GPR153: variants seen among roughly 807,000 people sequenced by gnomAD.
GPR153 encodes G protein-coupled receptor 153, also known as probable G protein-coupled receptor 153.
GPR153 carries 27 observed loss-of-function variants against 34.1 expected under a neutral mutation model. The observed-to-expected ratio is 0.79, with a 90% CI of 0.58 to 1.09. The LOEUF (loss-of-function observed/expected upper bound fraction) is 1.09. Ranked by LOEUF, GPR153 falls within the 50% of genes least tolerant of loss-of-function variation. The probability of loss-of-function intolerance (pLI) is 0.00; values close to 1 mark genes in which losing one functional copy is unlikely to be tolerated. For missense variants in GPR153, 848 were observed against 860.2 expected (o/e 0.99, Z 0.18); for synonymous variants, 408 against 405.4 (o/e 1.01, Z -0.08).
Position 6,249,249 on chromosome 1 carries a change from G to A in GPR153, c.*89C>T. On this transcript the variant is annotated 3_prime_UTR_variant, in exon 6 of 6. Coordinates refer to ENST00000377893, the MANE Select transcript of GPR153 (RefSeq NM_207370.4). This position sits in a 1 kb window ranked among gnomAD's most constrained non-coding sequence, Gnocchi z 4.3. Reference sequence around the variant, plus strand: ...CCCCTGGGAGGGGTGGCGCATGTCTGCGCGCGGGGCGGAGGCGGGCGTCTT... The same window carrying A: ...CCCCTGGGAGGGGTGGCGCATGTCTACGCGCGGGGCGGAGGCGGGCGTCTT... 4 of 1,005,888 alleles carry A rather than the reference G, an allele frequency of 4.0e-6. No individual in the cohort carries two copies. Among genetic ancestry groups the A allele is most frequent in the Non-Finnish European group, 5.1e-6 (4 of 781,322 alleles). The allele number at this position is 1,005,888 out of a possible 1,614,324, so 62.3% of individuals were successfully genotyped here. A position where few individuals can be genotyped will look rare whatever the true frequency, so the allele number is the denominator to read the frequency against.
chr1:6,249,333 C>T lies in GPR153; in HGVS notation c.*5G>A, dbSNP rs1439467770. 1 of 1,274,698 alleles carries T rather than the reference C, an allele frequency of 7.8e-7. No individual in the cohort carries two copies. The highest frequency in any genetic ancestry group is 9.9e-7 in the Non-Finnish European group (1 of 1,010,818). The allele number at this position is 1,274,698 out of a possible 1,614,324, so 79.0% of individuals were successfully genotyped here. On this transcript the variant is annotated 3_prime_UTR_variant, in exon 6 of 6. Transcript: ENST00000377893. This position sits in a 1 kb window ranked among gnomAD's most constrained non-coding sequence, Gnocchi z 4.3. Reference sequence around the variant, plus strand: ...CCTGGCGTCCGTGGGGAGGCGCCGGCGGTCCTAGGACGCGGAGCCCAGCGA... The same window carrying T: ...CCTGGCGTCCGTGGGGAGGCGCCGGTGGTCCTAGGACGCGGAGCCCAGCGA...
At chr1:6,259,283 C>T (rs1056364575) in intron 1 of GPR153, among the ~76,000 whole-genome samples, 1 of 152,142 alleles carries the variant, frequency 6.6e-6, no homozygotes, top group Non-Finnish European at 1.5e-5. Context: ...GGCTCTAGGT[C>T]TGTGGGCAGG....
chr1:6,258,284 C>T (rs555445348), intron 1 of GPR153, among the ~76,000 whole-genome samples: 14 of 152,294 alleles, frequency 9.2e-5, no homozygotes, highest in African/African-American at 3.1e-4. Flanking sequence ...CCCGCCACCA[C>T]GCCCAGCTAT....
intron 1 of GPR153, among the ~76,000 whole-genome samples, chr1:6,258,338 A>G (rs778736229): frequency 6.6e-6 from 1 of 152,196 alleles, no homozygotes; most frequent in Non-Finnish European, 1.5e-5. Context: ...CATGTTGGCC[A>G]GGCTGGTCTC....
chr1:6,250,342 G>T lies in GPR153; in HGVS notation c.1164+98C>A, dbSNP rs569357939. The T allele has an allele frequency of 6.8e-6, 10 of 1,461,070 alleles. No individual in the cohort carries two copies. In the East Asian group the frequency reaches 2.3e-4, roughly 33 times the overall value. 90.5% of individuals were successfully genotyped at this position (1,461,070 alleles called of 1,614,324 possible). On this transcript the variant is annotated intron_variant, in intron 5 of 5. Coordinates refer to ENST00000377893, the MANE Select transcript of GPR153 (RefSeq NM_207370.4). ...GATGGTGACAGCCACCCCTGCGACT[G>T]CAGAAGGCGTGAGATGGGCTCCGAG...
chr1:6,254,274 C>T (rs1433626991), intron 2 of GPR153, 127 bp from the exon 3 acceptor site: 1 of 892,798 alleles, frequency 1.1e-6, no homozygotes, highest in African/African-American at 1.7e-5. Context: ...ATAGTCATGG[C>T]ACAGCCAGTG....
Position 6,249,527 on chromosome 1 carries a change from G to A in GPR153, c.1641C>T (p.Ser547=), listed in dbSNP as rs1263350593. Residue 547 remains serine, a synonymous_variant, in exon 6 of 6, where the codon AGC becomes AGT. Transcript: ENST00000377893. This position sits in a 1 kb window ranked among gnomAD's most constrained non-coding sequence, Gnocchi z 4.3. ...AGTGCGCAGAGGGGCGTGGCCCTGG[G>A]CTCCGCTGGGCGCTGCTTGGGGGCG... ...APTPPSSAQR[S]PGPRPSAHSH... is the part of the protein sequence containing the mutation. 12 of 1,208,034 alleles carry A rather than the reference G, an allele frequency of 9.9e-6. No homozygotes were observed. The highest frequency in any genetic ancestry group is 4.1e-6 in the Non-Finnish European group (4 of 973,660). 74.8% of individuals were successfully genotyped at this position (1,208,034 alleles called of 1,614,324 possible).
intron 1 of GPR153, among the ~76,000 whole-genome samples, chr1:6,255,642 GTTTTTT>G (rs59403526): frequency 7.7e-5 from 3 of 38,846 alleles, no homozygotes; most frequent in Admixed American, 4.9e-4. Flanking sequence ...GCCTGGCTAC[GTTTTTT>G]TTTTTTTTTT....
chr1:6,254,555 G>A lies in GPR153; in HGVS notation c.351C>T (p.Asn117=). The change falls in exon 2 of 6, where the codon AAC becomes AAT. Residue 117 remains asparagine (N), a synonymous_variant. Coordinates refer to ENST00000377893, the MANE Select transcript of GPR153 (RefSeq NM_207370.4). ...HRMWMVCWPV[N]YRLSNAKKQA... is the part of the protein sequence containing the mutation. ...CCAGAACTTCACATGCTCACCGGTA[G>A]TTGACAGGCCAGCAGACCATCCACA... 1 of 1,564,694 alleles carries A rather than the reference G, an allele frequency of 6.4e-7. No homozygotes were observed. Among genetic ancestry groups the A allele is most frequent in the East Asian group, 2.2e-5 (1 of 44,522 alleles).
At position 6,253,749 on chromosome 1, in the gene GPR153, A is replaced by C; in HGVS notation, c.755T>G (p.Ile252Ser). The change falls in exon 3 of 6, where the codon ATC becomes AGC. Residue 252 changes from isoleucine to serine, a missense_variant. Ile to Ser is a moderately radical substitution (Grantham distance 142). Coordinates refer to ENST00000377893, the MANE Select transcript of GPR153 (RefSeq NM_207370.4). ...AGGGAAGCCCATGAGGCAGTCGTAG[A>C]TGAAGACTATGGTGGTCACGAGGCC... ...TTGLVTTIVF[I>S]YDCLMGFPVL... The C allele has an allele frequency of 6.5e-7, 1 of 1,529,086 alleles. No individual in the cohort carries two copies. The highest frequency in any genetic ancestry group is 8.8e-7 in the Non-Finnish European group (1 of 1,137,888). 94.7% of individuals were successfully genotyped at this position (1,529,086 alleles called of 1,614,324 possible). A position where few individuals can be genotyped will look rare whatever the true frequency, so the allele number is the denominator to read the frequency against.
At chr1:6,257,094 T>C (rs1253864449) in intron 1 of GPR153, among the ~76,000 whole-genome samples, 1 of 152,212 alleles carries the variant, frequency 6.6e-6, no homozygotes, top group East Asian at 1.9e-4. Context: ...CAGGGAACCA[T>C]CCAAGGTGGG....
chr1:6,258,741 G>A (rs1450377474), intron 1 of GPR153, among the ~76,000 whole-genome samples: 2 of 152,178 alleles, frequency 1.3e-5, no homozygotes, highest in Non-Finnish European at 2.9e-5. Flanking sequence ...AGGCAGCCTC[G>A]GCTGTGAGAC....
Position 6,248,956 on chromosome 1 carries a change from G to C in GPR153, c.*382C>G, listed in dbSNP as rs1638364480. ...CTCCAGCTCAGCCTCTCCAAAGCGG[G>C]GCTTTGTCCGATCCCGCAGTGGCCC... On this transcript the variant is annotated 3_prime_UTR_variant, in exon 6 of 6. Coordinates refer to ENST00000377893, the MANE Select transcript of GPR153 (RefSeq NM_207370.4). 1 of 174,146 alleles carries C rather than the reference G, an allele frequency of 5.7e-6. No homozygotes were observed. The highest frequency in any genetic ancestry group is 2.4e-5 in the African/African-American group (1 of 42,330). 10.8% of individuals were successfully genotyped at this position (174,146 alleles called of 1,614,324 possible).
chr1:6,251,480 T>C lies in GPR153; in HGVS notation c.837A>G (p.Ala279=). 6.2e-7 allele frequency: 1 copy of C among 1,612,670 alleles called. No individual in the cohort carries two copies. The highest frequency in any genetic ancestry group is 1.3e-5 in the African/African-American group (1 of 75,024). ...LRADASAPWM[A]LCVLWCSVAQ... The stretch of plus-strand genomic sequence containing the variant: ...CCACGGAGCACCACAGCACGCAGAG[T>C]GCCATCCAGGGCGCTGAGGCGTCGG... The change falls in exon 4 of 6, where the codon GCA becomes GCG. Residue 279 remains alanine, a synonymous_variant. Coordinates refer to ENST00000377893, the MANE Select transcript of GPR153 (RefSeq NM_207370.4). This position sits in a 1 kb window ranked among gnomAD's most constrained non-coding sequence, Gnocchi z 4.9.
Position 6,254,568 on chromosome 1 carries a change from C to A in GPR153, c.338G>T (p.Cys113Phe). The A allele has an allele frequency of 1.3e-6, 2 of 1,581,754 alleles. No homozygotes were observed. The highest frequency in any genetic ancestry group is 1.2e-5 in the South Asian group (1 of 85,134). ...TGCTCACCGGTAGTTGACAGGCCAG[C>A]AGACCATCCACATGCGGTGGTAGGA... ...SLSYHRMWMV[C>F]WPVNYRLSNA... Residue 113 changes from cysteine (C) to phenylalanine (F), a missense_variant, in exon 2 of 6, where the codon TGC (cysteine) becomes TTC (phenylalanine). Cys to Phe is a radical substitution (Grantham distance 205). Transcript: ENST00000377893.
chr1:6,257,191 C>G (rs1372691864), intron 1 of GPR153, among the ~76,000 whole-genome samples: 1 of 152,248 alleles, frequency 6.6e-6, no homozygotes, highest in Non-Finnish European at 1.5e-5. Flanking sequence ...AATCCTCACA[C>G]AGCCCATGCC....
rs370700931 is a variant in GPR153, at chr1:6,253,708, C to T, written c.786+10G>A. On this transcript the variant is annotated intron_variant, in intron 3 of 5. Transcript: ENST00000377893. ...AGAGACAGGCCCCTCTACCCGACGC[C>T]GTCACCCACCAGCACAGGGAAGCCC... The T allele has an allele frequency of 5.9e-4, 887 of 1,516,218 alleles. 5 individuals carry two copies. The South Asian group carries it at 7.6e-3, about 13-fold the overall frequency. The allele number at this position is 1,516,218 out of a possible 1,614,324, so 93.9% of individuals were successfully genotyped here. A position where few individuals can be genotyped will look rare whatever the true frequency, so the allele number is the denominator to read the frequency against.
chr1:6,253,195 C>T (rs1048912626), intron 3 of GPR153, among the ~76,000 whole-genome samples: 1 of 152,082 alleles, frequency 6.6e-6, no homozygotes, highest in Non-Finnish European at 1.5e-5. Context: ...AGTTCGAGAC[C>T]AGCCTGACTA....
At chr1:6,260,331 C>T (rs1325112659) in intron 1 of GPR153, among the ~76,000 whole-genome samples, 1 of 149,080 alleles carries the variant, frequency 6.7e-6, no homozygotes, top group Non-Finnish European at 1.5e-5. Context: ...CCGGCACGCC[C>T]CCCCCAGCCC....
Sources: allele counts gnomAD v4.1 joint callset (sites outside exome capture counted in the v4.1 genomes callset), GRCh38; gene constraint gnomAD v4.1.1; non-coding constraint Gnocchi (gnomAD v3.1); transcripts MANE v1.5; gene names NCBI Gene and HGNC (gene_info 2026-07-23, HGNC 2026-07-21).